COL4A2: variants seen among roughly 807,000 people sequenced by gnomAD.
COL4A2 encodes the protein collagen alpha-2(IV) chain.
COL4A2 carries 99 observed loss-of-function variants against 200.2 expected under a neutral mutation model. The ratio of observed to expected loss-of-function variants is 0.49; its 90% CI spans 0.42 to 0.58. The LOEUF is 0.58. Among genes scored for constraint, COL4A2 ranks in the 20% least tolerant of loss-of-function variants. COL4A2 has a pLI of 0.00. For missense variants in COL4A2, 1,950 were observed against 2,314.1 expected (o/e 0.84, Z 3.23); for synonymous variants, 897 against 900.6 (o/e 1.00, Z 0.07).
At chr13:110,499,661 G>A (rs1472399309) in intron 40 of COL4A2, among the ~76,000 whole-genome samples, 3 of 152,172 alleles carry the variant, frequency 2.0e-5, no homozygotes, top group African/African-American at 2.4e-5. Flanking sequence ...GGGCCTTCAC[G>A]GAACCCCTGT....
At chr13:110,412,558 A>G (rs1169816050) in intron 4 of COL4A2, among the ~76,000 whole-genome samples, 1 of 152,242 alleles carries the variant, frequency 6.6e-6, no homozygotes, top group Non-Finnish European at 1.5e-5. Context: ...TAAAACAGAG[A>G]CATTCAGTAA....
chr13:110,486,296 C>T (rs1056538142), intron 34 of COL4A2, among the ~76,000 whole-genome samples: 7 of 152,174 alleles, frequency 4.6e-5, no homozygotes, highest in South Asian at 2.1e-4. Context: ...GGGCCAGACA[C>T]GCTGTTGTGA....
At chr13:110,368,272 G>C (rs961276643) in intron 4 of COL4A2, among the ~76,000 whole-genome samples, 4 of 152,142 alleles carry the variant, frequency 2.6e-5, no homozygotes, top group African/African-American at 9.7e-5. Flanking sequence ...TATATATCCA[G>C]AGTAAAATTC....
At chr13:110,450,511 C>G in intron 20 of COL4A2, 57 bp downstream of exon 20, 2 of 1,586,478 alleles carry the variant, frequency 1.3e-6, no homozygotes, top group Non-Finnish European at 1.7e-6. Context: ...GAAGCCCGGT[C>G]CCAGCCGGAT....
At chr13:110,441,957 A>C (rs1339142844) in intron 16 of COL4A2, among the ~76,000 whole-genome samples, 1 of 151,650 alleles carries the variant, frequency 6.6e-6, no homozygotes, top group Admixed American at 6.6e-5. Context: ...GGTGTGGTTC[A>C]TGCCTATAAT....
At chr13:110,423,867 G>T (rs1880355135) in intron 4 of COL4A2, among the ~76,000 whole-genome samples, 1 of 152,140 alleles carries the variant, frequency 6.6e-6, no homozygotes, top group Non-Finnish European at 1.5e-5. Flanking sequence ...AGTCCTCAAG[G>T]TTCTTCCGTG....
At chr13:110,342,088 C>A (rs1372246223) in intron 3 of COL4A2, among the ~76,000 whole-genome samples, 1 of 152,142 alleles carries the variant, frequency 6.6e-6, no homozygotes, top group Non-Finnish European at 1.5e-5. Context: ...CATTGGTTGA[C>A]CTCGGGTACA....
At chr13:110,311,519 C>T (rs1054422930) in intron 3 of COL4A2, among the ~76,000 whole-genome samples, 2 of 152,090 alleles carry the variant, frequency 1.3e-5, no homozygotes, top group African/African-American at 2.4e-5. Flanking sequence ...TCCCCCAAAA[C>T]GGAGGTGTTA....
intron 4 of COL4A2, among the ~76,000 whole-genome samples, chr13:110,422,513 A>G (rs777368518): frequency 1.3e-5 from 2 of 152,176 alleles, no homozygotes; most frequent in Non-Finnish European, 2.9e-5. Context: ...GAGGCCTGAA[A>G]TTAGGCTGCC....
chr13:110,445,789 C>T, intron 16 of COL4A2, 40 bp from the exon 17 acceptor site: 2 of 1,612,238 alleles, frequency 1.2e-6, no homozygotes, highest in Non-Finnish European at 1.7e-6. Flanking sequence ...TGGAGTTATA[C>T]ATCAGAGACA....
At position 110,372,450 on chromosome 13, in the gene COL4A2, T is replaced by G. The variant is rs1878054493; in HGVS notation, c.180+14898T>G. ...GAAGTGTCATCCTGTAGAGTTTCTC[T>G]TCTCTGGAATTTGTCTTGTGTTATT... On this transcript the variant is annotated intron_variant, in intron 4 of 47. Coordinates refer to ENST00000360467, the MANE Select transcript of COL4A2 (RefSeq NM_001846.4). Among the ~76,000 whole-genome samples, 5 of 152,344 alleles carry G rather than the reference T, an allele frequency of 3.3e-5. No individual in the cohort carries two copies. In the South Asian group the frequency reaches 1.0e-3, roughly 32 times the overall value.
chr13:110,454,968 C>T (rs1025556628), intron 20 of COL4A2, among the ~76,000 whole-genome samples: 5 of 152,152 alleles, frequency 3.3e-5, no homozygotes, highest in Non-Finnish European at 7.3e-5. Context: ...CTGCACAAAC[C>T]CGGGAGCTCC....
rs551632444 is a variant in COL4A2, at chr13:110,355,926, C to T, written c.100-1546C>T. On this transcript the variant is annotated intron_variant, in intron 3 of 47. Coordinates refer to ENST00000360467, the MANE Select transcript of COL4A2 (RefSeq NM_001846.4). The stretch of plus-strand genomic sequence containing the variant: ...TATAGGGCGGAGGGCAGCACTGGCT[C>T]ACCTGTGGAATGAAGGTTGTACTAG... Among the ~76,000 whole-genome samples the T allele has an allele frequency of 1.3e-4, 19 of 151,982 alleles. 2 individuals are homozygous for T. In the East Asian group the frequency reaches 3.3e-3, roughly 26 times the overall value.
chr13:110,503,711 C>A, intron 43 of COL4A2, 136 bp from the exon 44 acceptor site: 1 of 1,079,970 alleles, frequency 9.3e-7, no homozygotes, highest in Non-Finnish European at 1.4e-6. Context: ...CCGTTAGTGT[C>A]TGGCTCATCT....
At chr13:110,340,175 G>A (rs904659060) in intron 3 of COL4A2, among the ~76,000 whole-genome samples, 2 of 152,146 alleles carry the variant, frequency 1.3e-5, no homozygotes, top group Non-Finnish European at 2.9e-5. Context: ...CCAGGTTGGA[G>A]TGCCTGATCT....
At chr13:110,430,695 G>T in intron 10 of COL4A2, 88 bp downstream of exon 10, 2 of 1,551,018 alleles carry the variant, frequency 1.3e-6, no homozygotes, top group Non-Finnish European at 1.8e-6. Flanking sequence ...GACTCCAGAT[G>T]AGAGCTTTAA....
In COL4A2 at chr13:110,461,830, C is replaced by A. The variant is rs56378529; in HGVS notation, c.1597-284C>A. Among the ~76,000 whole-genome samples, 37,790 of 151,952 alleles carry A rather than the reference C, an allele frequency of 0.25. 5,388 individuals carry two copies. The highest frequency in any genetic ancestry group is 0.41 in the Middle Eastern group (122 of 294). On this transcript the variant is annotated intron_variant, in intron 22 of 47. Coordinates refer to ENST00000360467, the MANE Select transcript of COL4A2 (RefSeq NM_001846.4). The stretch of plus-strand genomic sequence containing the variant: ...GATTACAGAAGTGAATCACCGCGCC[C>A]GGCCACATTGTAATTATTTAAAATT...
At chr13:110,378,184 TA>T (rs1210923955) in intron 4 of COL4A2, among the ~76,000 whole-genome samples, 1 of 152,268 alleles carries the variant, frequency 6.6e-6, no homozygotes, top group Non-Finnish European at 1.5e-5. Flanking sequence ...TTGGCTAAAA[TA>T]AGATGCATGC....
intron 3 of COL4A2, among the ~76,000 whole-genome samples, chr13:110,325,410 GCTCT>G (rs1159502167): frequency 5.3e-5 from 8 of 152,194 alleles, no homozygotes; most frequent in South Asian, 2.1e-4. Context: ...GCATTGATGG[GCTCT>G]AGTTAAAACA....
Sources: gnomAD v4.1 joint callset for allele counts (sites outside exome capture counted in the v4.1 genomes callset) on GRCh38, gnomAD v4.1.1 for gene constraint, MANE v1.5 for transcripts, NCBI Gene and HGNC (gene_info 2026-07-23, HGNC 2026-07-21) for gene names.